The following ST18 variants were observed in gnomAD, a reference collection of about 807,000 sequenced individuals.
The protein encoded by ST18 is ST18 C2H2C-type zinc finger transcription factor, also known as suppression of tumorigenicity 18 protein.
In ST18, 50 loss-of-function variants were observed where a neutral mutation model predicts 110.0. That is an observed-to-expected ratio of 0.45 (90% confidence interval 0.36 to 0.58). The LOEUF is 0.58. Among genes scored for constraint, ST18 ranks in the 20% least tolerant of loss-of-function variants. The pLI is 0.00. For synonymous variants in ST18, 461 were observed against 452.4 expected (o/e 1.02, Z -0.24); for missense variants, 1,306 against 1,280.1 (o/e 1.02, Z -0.31).
chr8:52,304,126 G>C (rs867302342), intron 2 of ST18, among the ~76,000 whole-genome samples: 5 of 152,176 alleles, frequency 3.3e-5, no homozygotes, highest in African/African-American at 9.6e-5. Context: ...AGCATAAAAA[G>C]AAATGAAGAT....
intron 10 of ST18, among the ~76,000 whole-genome samples, chr8:52,169,686 T>C (rs1440776781): frequency 6.6e-6 from 1 of 152,180 alleles, no homozygotes; most frequent in Non-Finnish European, 1.5e-5. Context: ...CTTGTGCCAT[T>C]GGATCCCACA....
chr8:52,158,365 G>A (rs2060528554), intron 15 of ST18, among the ~76,000 whole-genome samples: 1 of 152,094 alleles, frequency 6.6e-6, no homozygotes, highest in Admixed American at 6.5e-5. Context: ...ATGTATTCAT[G>A]TTCTACCATG....
chr8:52,240,013 C>T (rs1192772489), intron 2 of ST18, among the ~76,000 whole-genome samples: 1 of 152,076 alleles, frequency 6.6e-6, no homozygotes, highest in Non-Finnish European at 1.5e-5. Context: ...AGGCTAGTCT[C>T]GAACTGCTGG....
At chr8:52,262,769 T>C (rs990356376) in intron 2 of ST18, among the ~76,000 whole-genome samples, 1 of 152,250 alleles carries the variant, frequency 6.6e-6, no homozygotes, top group African/African-American at 2.4e-5. Flanking sequence ...AGGCTGCCTT[T>C]GCAGCTGCCT....
intron 2 of ST18, among the ~76,000 whole-genome samples, chr8:52,322,994 C>T (rs1000852602): frequency 1.3e-5 from 2 of 152,298 alleles, no homozygotes; most frequent in Admixed American, 6.5e-5. Context: ...TGATTTCTCA[C>T]TGGGCATGGC....
chr8:52,168,580 C>T (rs985264944), intron 10 of ST18, among the ~76,000 whole-genome samples: 2 of 152,012 alleles, frequency 1.3e-5, no homozygotes, highest in African/African-American at 2.4e-5. Context: ...AGTCGTTCTG[C>T]GCTGAGGGTC....
At chr8:52,369,885 T>C (rs1829616385) in intron 2 of ST18, among the ~76,000 whole-genome samples, 2 of 152,208 alleles carry the variant, frequency 1.3e-5, no homozygotes, top group African/African-American at 4.8e-5. Context: ...AAATGCTCCA[T>C]GGTTTATTTA....
chr8:52,403,653 A>G (rs1843503735), intron 2 of ST18: 1 of 151,540 alleles, frequency 6.6e-6, no homozygotes, highest in Non-Finnish European at 1.5e-5. Context: ...GATTTCTGCC[A>G]CTCCTGCTGT....
chr8:52,389,269 G>C (rs2140956373), intron 2 of ST18, among the ~76,000 whole-genome samples: 1 of 152,302 alleles, frequency 6.6e-6, no homozygotes, highest in Non-Finnish European at 1.5e-5. Flanking sequence ...AAAAGGTGTG[G>C]AGAGGAAAAG....
intron 14 of ST18, 81 bp downstream of exon 14, chr8:52,161,294 C>G: frequency 7.0e-7 from 1 of 1,437,604 alleles, no homozygotes; most frequent in Non-Finnish European, 9.5e-7. Context: ...TATTTAAGTA[C>G]AGCCCCCTGG....
intron 24 of ST18, among the ~76,000 whole-genome samples, chr8:52,116,620 C>T (rs73583956): frequency 0.023 from 3,539 of 152,242 alleles, 132 homozygotes; most frequent in African/African-American, 0.082. Context: ...CATCTTCAGC[C>T]CAGACTTCCT....
At chr8:52,235,589 A>G (rs1465170522) in intron 2 of ST18, among the ~76,000 whole-genome samples, 1 of 152,254 alleles carries the variant, frequency 6.6e-6, no homozygotes, top group African/African-American at 2.4e-5. Context: ...AACAGTAAAT[A>G]TCCACAGCCT....
chr8:52,334,687 T>A (rs564525947), intron 2 of ST18, among the ~76,000 whole-genome samples: 12 of 151,410 alleles, frequency 7.9e-5, no homozygotes, highest in Non-Finnish European at 1.8e-4. Context: ...CTAAATGGTA[T>A]GTCTTCCAAA....
chr8:52,315,775 A>G (rs1198854372), intron 2 of ST18, among the ~76,000 whole-genome samples: 2 of 152,216 alleles, frequency 1.3e-5, no homozygotes, highest in African/African-American at 2.4e-5. Flanking sequence ...GCAAATTTAA[A>G]TTAGAAACTT....
At chr8:52,228,437 CT>C (rs1333170069) in intron 3 of ST18, among the ~76,000 whole-genome samples, 3 of 152,158 alleles carry the variant, frequency 2.0e-5, no homozygotes, top group Admixed American at 6.5e-5. Flanking sequence ...TGTTGTGCAT[CT>C]ACATTTATTT....
chr8:52,398,252 AT>A (rs1205530117), intron 2 of ST18, among the ~76,000 whole-genome samples: 1 of 151,984 alleles, frequency 6.6e-6, no homozygotes, highest in Admixed American at 6.6e-5. Flanking sequence ...AATGTAACTG[AT>A]TTTCTATGTT....
intron 2 of ST18, among the ~76,000 whole-genome samples, chr8:52,390,459 C>T (rs145217233): frequency 6.6e-6 from 1 of 152,174 alleles, no homozygotes; most frequent in East Asian, 1.9e-4. Context: ...ACTTTCTTTA[C>T]AAGAAGGACC....
chr8:52,233,603 T>A (rs1013529466), intron 2 of ST18, among the ~76,000 whole-genome samples: 1 of 151,646 alleles, frequency 6.6e-6, no homozygotes, highest in Admixed American at 6.5e-5. Context: ...GCGTCTCTGG[T>A]TATTTGAACA....
At chr8:52,390,751 A>G (rs1038855206) in intron 2 of ST18, among the ~76,000 whole-genome samples, 4 of 152,228 alleles carry the variant, frequency 2.6e-5, no homozygotes, top group African/African-American at 9.6e-5. Context: ...GGCCCGTGCC[A>G]CAGCGACGGT....
Sources: allele counts gnomAD v4.1 joint callset (sites outside exome capture counted in the v4.1 genomes callset), GRCh38; gene constraint gnomAD v4.1.1; transcripts MANE v1.5; gene names NCBI Gene and HGNC (gene_info 2026-07-23, HGNC 2026-07-21).